Variants in HCN1 observed in about 807,000 individuals in gnomAD.
HCN1 encodes potassium/sodium hyperpolarization-activated cyclic nucleotide-gated channel 1.
Under a neutral mutation model 78.9 loss-of-function variants are expected in HCN1, and 13 were observed. The observed-to-expected ratio is 0.16, with a 90% confidence interval of 0.11 to 0.26. HCN1 has a LOEUF of 0.26. Ranked by LOEUF, HCN1 falls within the 10% of genes least tolerant of loss-of-function variation. The pLI is 1.00. For synonymous variants in HCN1, 552 were observed against 455.5 expected (o/e 1.21, Z -2.70); for missense variants, 810 against 1,154.3 (o/e 0.70, Z 4.32).
At chr5:45,548,557 C>A (rs1265690407) in intron 2 of HCN1, among the ~76,000 whole-genome samples, 2 of 152,046 alleles carry the variant, frequency 1.3e-5, no homozygotes, top group African/African-American at 2.4e-5. Flanking sequence ...GGGCAAAAAA[C>A]TGGAAGCATT....
intron 5 of HCN1, among the ~76,000 whole-genome samples, chr5:45,320,186 C>T (rs570392507): frequency 2.0e-5 from 3 of 151,760 alleles, no homozygotes; most frequent in African/African-American, 4.8e-5. Context: ...AAAAGACATC[C>T]CTACCTGGAG....
intron 2 of HCN1, among the ~76,000 whole-genome samples, chr5:45,491,657 T>C (rs1187656465): frequency 1.3e-5 from 2 of 152,216 alleles, no homozygotes; most frequent in East Asian, 3.9e-4. Flanking sequence ...ACATGTGCTA[T>C]GCTATAGGAC....
rs200368197 is a variant in HCN1 at position 45,546,318 on chromosome 5, C to CT, written c.850-84312dup. Among the ~76,000 whole-genome samples the CT allele has an allele frequency of 6.2e-3, 945 of 151,776 alleles. 14 individuals carry two copies. Among genetic ancestry groups the CT allele is most frequent in the African/African-American group, 0.022 (896 of 41,462 alleles). Reference sequence around the variant, plus strand: ...TCTTTGCAATTTATTTTATATATCACTTTTTTTTCATTTCTACTTCAAATC... The same window carrying CT: ...TCTTTGCAATTTATTTTATATATCACTTTTTTTTTCATTTCTACTTCAAATC... On this transcript the variant is annotated intron_variant, in intron 2 of 7. Coordinates refer to ENST00000303230, the MANE Select transcript of HCN1 (RefSeq NM_021072.4).
At chr5:45,430,197 A>G (rs1740433488) in intron 3 of HCN1, among the ~76,000 whole-genome samples, 1 of 152,204 alleles carries the variant, frequency 6.6e-6, no homozygotes, top group South Asian at 2.1e-4. Context: ...AAGAATAGGT[A>G]ACACTGACAT....
Position 45,257,701 on chromosome 5 carries a change from T to C in HCN1, c.*4220A>G, listed in dbSNP as rs1744647784. ...AAATTGCTTAAGAAAGTCATTGCTT[T>C]TGAGGGGTAATAGCAGGTGTACTTC... On this transcript the variant is annotated 3_prime_UTR_variant, in exon 8 of 8. Coordinates refer to ENST00000303230, the MANE Select transcript of HCN1 (RefSeq NM_021072.4). 1 of 152,172 alleles carries C rather than the reference T, an allele frequency of 6.6e-6. No homozygotes were observed. Among genetic ancestry groups the C allele is most frequent in the Non-Finnish European group, 1.5e-5 (1 of 68,032 alleles). 9.4% of individuals were successfully genotyped at this position (152,172 alleles called of 1,614,324 possible). A position where few individuals can be genotyped will look rare whatever the true frequency, so the allele number is the denominator to read the frequency against.
At chr5:45,283,395 C>G (rs1579777915) in intron 6 of HCN1, among the ~76,000 whole-genome samples, 2 of 152,082 alleles carry the variant, frequency 1.3e-5, no homozygotes, top group Admixed American at 1.3e-4. Flanking sequence ...AACTATGTAG[C>G]TGATAAGTCT....
intron 4 of HCN1, among the ~76,000 whole-genome samples, chr5:45,381,879 T>G (rs965441509): frequency 1.3e-5 from 2 of 152,138 alleles, no homozygotes; most frequent in Non-Finnish European, 2.9e-5. Context: ...TTTCCCTGCT[T>G]ATACCTTTCC....
chr5:45,685,003 CTGCAAGGGTATAAG>C (rs1739774758), intron 1 of HCN1, among the ~76,000 whole-genome samples: 1 of 152,154 alleles, frequency 6.6e-6, no homozygotes, highest in Admixed American at 6.5e-5. Flanking sequence ...CTAAAACATT[CTGCAAGGGTATAAG>C]TGACAACTGC....
chr5:45,305,404 T>A (rs975464670), intron 5 of HCN1, among the ~76,000 whole-genome samples: 1 of 152,078 alleles, frequency 6.6e-6, no homozygotes. Flanking sequence ...TGGAGCTTCA[T>A]GGAAGATGAG....
At chr5:45,297,396 G>T (rs1253031656) in intron 6 of HCN1, among the ~76,000 whole-genome samples, 2 of 152,086 alleles carry the variant, frequency 1.3e-5, no homozygotes, top group Admixed American at 6.6e-5. Flanking sequence ...GTGCTGCAGA[G>T]ATTTCGTTTA....
intron 2 of HCN1, 33 bp from the exon 3 acceptor site, chr5:45,462,040 A>C (rs756262186): frequency 1.3e-6 from 2 of 1,583,740 alleles, no homozygotes; most frequent in Admixed American, 1.7e-5. Flanking sequence ...AATTCTTATA[A>C]TCAATTTTTT....
chr5:45,410,276 C>T (rs1739998947), intron 3 of HCN1, among the ~76,000 whole-genome samples: 1 of 151,988 alleles, frequency 6.6e-6, no homozygotes, highest in Non-Finnish European at 1.5e-5. Flanking sequence ...TATCTCTCTA[C>T]TGGATCTCTA....
At chr5:45,391,098 A>G (rs918125003) in intron 4 of HCN1, among the ~76,000 whole-genome samples, 1 of 152,042 alleles carries the variant, frequency 6.6e-6, no homozygotes, top group Non-Finnish European at 1.5e-5. Context: ...ATTTTTGACT[A>G]AGGTACTATG....
At chr5:45,654,537 AC>A (rs1469056144) in intron 1 of HCN1, among the ~76,000 whole-genome samples, 1 of 152,166 alleles carries the variant, frequency 6.6e-6, no homozygotes, top group Non-Finnish European at 1.5e-5. Flanking sequence ...GTCGTTCTCA[AC>A]AAAAATGTAT....
chr5:45,649,801 T>C (rs1158274832), intron 1 of HCN1, among the ~76,000 whole-genome samples: 2 of 152,112 alleles, frequency 1.3e-5, no homozygotes, highest in African/African-American at 2.4e-5. Context: ...AATGAAAACA[T>C]ACACTTTAAT....
At chr5:45,480,395 AT>A (rs960222000) in intron 2 of HCN1, among the ~76,000 whole-genome samples, 29 of 152,264 alleles carry the variant, frequency 1.9e-4, no homozygotes, top group Middle Eastern at 3.4e-3. Flanking sequence ...TTTAATACAT[AT>A]TTTTTAAATA....
At chr5:45,392,881 A>G (rs980563895) in intron 4 of HCN1, among the ~76,000 whole-genome samples, 1 of 152,096 alleles carries the variant, frequency 6.6e-6, no homozygotes, top group African/African-American at 2.4e-5. Flanking sequence ...TTTTTATTTC[A>G]TATACTCGAT....
At chr5:45,534,270 G>C (rs1457459463) in intron 2 of HCN1, among the ~76,000 whole-genome samples, 2 of 151,030 alleles carry the variant, frequency 1.3e-5, no homozygotes, top group Admixed American at 6.6e-5. Flanking sequence ...GGTGGCAGGC[G>C]CCTATAGTCC....
At chr5:45,639,608 A>G (rs886461213) in intron 2 of HCN1, among the ~76,000 whole-genome samples, 1 of 152,210 alleles carries the variant, frequency 6.6e-6, no homozygotes, top group Non-Finnish European at 1.5e-5. Context: ...TTAAAATTGT[A>G]AAACACTGCA....
Sources: allele counts gnomAD v4.1 joint callset (sites outside exome capture counted in the v4.1 genomes callset), GRCh38; gene constraint gnomAD v4.1.1; transcripts MANE v1.5; gene names NCBI Gene and HGNC (gene_info 2026-07-23, HGNC 2026-07-21).